MCM6: variants seen among roughly 807,000 people sequenced by gnomAD.
The protein encoded by MCM6 is minichromosome maintenance complex component 6.
In MCM6, 46 loss-of-function variants were observed where a neutral mutation model predicts 94.3. The observed-to-expected ratio is 0.49, with a 90% confidence interval of 0.39 to 0.62. MCM6 has a LOEUF of 0.62. Ranked by LOEUF, MCM6 falls within the 20% of genes least tolerant of loss-of-function variation. The probability of loss-of-function intolerance (pLI) is 0.00; values close to 1 mark genes in which losing one functional copy is unlikely to be tolerated. For synonymous variants in MCM6, 335 were observed against 351.9 expected (o/e 0.95, Z 0.54); for missense variants, 865 against 1,017.9 (o/e 0.85, Z 2.04).
chr2:135,842,988 A>AGAG (rs1158282425), intron 16 of MCM6, among the ~76,000 whole-genome samples: 2 of 152,234 alleles, frequency 1.3e-5, no homozygotes, highest in African/African-American at 4.8e-5. Flanking sequence ...CTGCTGAGCA[A>AGAG]GAAGCCAATA....
intron 8 of MCM6, among the ~76,000 whole-genome samples, chr2:135,861,083 C>A (rs1222121457): frequency 6.6e-6 from 1 of 151,910 alleles, no homozygotes; most frequent in Non-Finnish European, 1.5e-5. Flanking sequence ...TCCTTTGTAA[C>A]ACAGGACTAC....
intron 1 of MCM6, among the ~76,000 whole-genome samples, 154 bp downstream of exon 1, chr2:135,876,105 G>A (rs536600810): frequency 6.6e-6 from 1 of 152,296 alleles, no homozygotes; most frequent in African/African-American, 2.4e-5. Context: ...CGCGGCCGCC[G>A]GGCTCGGAGC....
In MCM6 at chr2:135,866,124, C is replaced by T. The variant is rs1001159117; in HGVS notation, c.927+8G>A. ...CAAAAACAAACAAAAACCCCCAAAA[C>T]GACTGACCCTTGGGTTGGTTGGCGC... On this transcript the variant is annotated splice_region_variant and intron_variant, in intron 6 of 16. Transcript: ENST00000264156. 3 of 1,613,338 alleles carry T rather than the reference C, an allele frequency of 1.9e-6. No individual in the cohort carries two copies. Among genetic ancestry groups the T allele is most frequent in the Non-Finnish European group, 1.7e-6 (2 of 1,179,822 alleles).
At chr2:135,867,739 A>G (rs1484331334) in intron 4 of MCM6, among the ~76,000 whole-genome samples, 1 of 152,140 alleles carries the variant, frequency 6.6e-6, no homozygotes. Context: ...TTAAAAAAAA[A>G]CACACAGGCT....
intron 3 of MCM6, 33 bp downstream of exon 3, chr2:135,870,218 G>GA (rs1680175266): frequency 1.3e-6 from 2 of 1,522,010 alleles, no homozygotes; most frequent in African/African-American, 2.7e-5. Flanking sequence ...ACCATTTGGT[G>GA]AATTCCTTTT....
chr2:135,860,065 A>G (rs1679960510), intron 8 of MCM6, among the ~76,000 whole-genome samples: 1 of 151,986 alleles, frequency 6.6e-6, no homozygotes, highest in Non-Finnish European at 1.5e-5. Flanking sequence ...TGGCCTCCCA[A>G]AGTGCTGGGA....
At chr2:135,866,079 G>A in intron 6 of MCM6, 53 bp downstream of exon 6, 1 of 1,602,038 alleles carries the variant, frequency 6.2e-7, no homozygotes, top group Non-Finnish European at 8.5e-7. Context: ...TCCAGCCTGG[G>A]TGACAGAGAG....
intron 11 of MCM6, among the ~76,000 whole-genome samples, chr2:135,853,681 G>C (rs78251570): frequency 0.015 from 2,241 of 151,406 alleles, 57 homozygotes; most frequent in African/African-American, 0.052. Flanking sequence ...TCTAGCTTCA[G>C]AGACTGTGCT....
Position 135,856,807 on chromosome 2 carries a change from A to G in MCM6, c.1547T>C (p.Leu516Ser), listed in dbSNP as rs1336509623. Reference protein sequence around the residue: ...ISGHYDRSKSLKQNINLSAPI... With the variant: ...ISGHYDRSKSSKQNINLSAPI... Reference sequence around the variant, plus strand: ...AGCTGACAAATTTATATTCTGTTTCAATGATTTTGATCTGTCATAGTGTCC... The same window carrying G: ...AGCTGACAAATTTATATTCTGTTTCGATGATTTTGATCTGTCATAGTGTCC... Residue 516 changes from leucine to serine, a missense_variant, in exon 11 of 17, where the codon TTG becomes TCG. Physicochemically the swap from Leu to Ser is moderately radical, Grantham distance 145 (BLOSUM62 -2). Transcript: ENST00000264156. The G allele has an allele frequency of 1.9e-6, 3 of 1,614,086 alleles. No individual in the cohort carries two copies. Among genetic ancestry groups the G allele is most frequent in the Non-Finnish European group, 2.5e-6 (3 of 1,180,022 alleles).
chr2:135,858,382 G>A (rs898606516), intron 9 of MCM6, among the ~76,000 whole-genome samples: 3 of 152,116 alleles, frequency 2.0e-5, no homozygotes, highest in Non-Finnish European at 2.9e-5. Flanking sequence ...AGATACTCGG[G>A]AGGCTGAGGC....
chr2:135,861,136 A>G (rs1292350921), intron 8 of MCM6, among the ~76,000 whole-genome samples: 2 of 152,224 alleles, frequency 1.3e-5, no homozygotes, highest in African/African-American at 4.8e-5. Context: ...GTTCAAAAGA[A>G]ATATTTAATC....
chr2:135,873,419 A>G (rs188680), intron 1 of MCM6, among the ~76,000 whole-genome samples: 76,153 of 152,084 alleles, frequency 0.5, 23,197 homozygotes, highest in Non-Finnish European at 0.7. Context: ...CAGAACAGAA[A>G]TAAGAATACA....
chr2:135,872,173 CGGTGGCTCACGCCT>C (rs1460658671), intron 2 of MCM6, among the ~76,000 whole-genome samples: 1 of 152,122 alleles, frequency 6.6e-6, no homozygotes, highest in Non-Finnish European at 1.5e-5. Flanking sequence ...TGGCCGGGCA[CGGTGGCTCACGCCT>C]GTAATCCCAG....
intron 11 of MCM6, among the ~76,000 whole-genome samples, chr2:135,855,188 A>G (rs1427898747): frequency 6.6e-6 from 1 of 152,224 alleles, no homozygotes; most frequent in Admixed American, 6.5e-5. Flanking sequence ...AACAGTTTTA[A>G]AAAAATCTTG....
intron 13 of MCM6, among the ~76,000 whole-genome samples, chr2:135,849,869 A>G (rs1679741798): frequency 6.6e-6 from 1 of 152,204 alleles, no homozygotes; most frequent in African/African-American, 2.4e-5. Context: ...AGTTTTTTTA[A>G]TGGATGAAGA....
chr2:135,844,308 T>C (rs1003304311), intron 16 of MCM6, among the ~76,000 whole-genome samples: 2 of 152,082 alleles, frequency 1.3e-5, no homozygotes, highest in Admixed American at 6.6e-5. Context: ...AACACCTAAC[T>C]AGTAAGACTT....
intron 12 of MCM6, 34 bp from the exon 13 acceptor site, chr2:135,851,597 T>G: frequency 6.5e-7 from 1 of 1,549,686 alleles, no homozygotes; most frequent in Admixed American, 1.8e-5. Flanking sequence ...TAGAGAAACA[T>G]TTCTATTTGA....
At chr2:135,845,285 G>A (rs969357371) in intron 15 of MCM6, among the ~76,000 whole-genome samples, 1 of 152,152 alleles carries the variant, frequency 6.6e-6, no homozygotes, top group Non-Finnish European at 1.5e-5. Flanking sequence ...TCAACACATA[G>A]GAAATGTTTG....
At chr2:135,851,209 C>A (rs899710538) in intron 13 of MCM6, among the ~76,000 whole-genome samples, 193 bp downstream of exon 13, 1 of 152,174 alleles carries the variant, frequency 6.6e-6, no homozygotes, top group African/African-American at 2.4e-5. Context: ...ATGACGTGAT[C>A]GTCTCCGTCT....
Sources: gnomAD v4.1 joint callset for allele counts (sites outside exome capture counted in the v4.1 genomes callset) on GRCh38, gnomAD v4.1.1 for gene constraint, MANE v1.5 for transcripts, NCBI Gene and HGNC (gene_info 2026-07-23, HGNC 2026-07-21) for gene names.